Variants in BICRA observed in about 807,000 individuals in gnomAD.
BICRA encodes BRD4 interacting chromatin remodeling complex associated protein, also known as BRD4-interacting chromatin-remodeling complex-associated protein.
A neutral mutation model predicts 96.9 loss-of-function variants in BICRA; 31 were observed. The ratio of observed to expected loss-of-function variants is 0.32; its 90% CI spans 0.24 to 0.43. BICRA has a LOEUF of 0.43. Ranked by LOEUF, BICRA falls within the 20% of genes least tolerant of loss-of-function variation. The pLI is 1.00. For synonymous variants in BICRA, 1,350 were observed against 1,071.8 expected (o/e 1.26, Z -5.07); for missense variants, 2,283 against 2,190.3 (o/e 1.04, Z -0.84).
chr19:47,667,834 G>T (rs1972805707), intron 1 of BICRA, among the ~76,000 whole-genome samples: 1 of 152,202 alleles, frequency 6.6e-6, no homozygotes, highest in South Asian at 2.1e-4. Flanking sequence ...TGAACATTCT[G>T]CTGTATTTGT....
intron 7 of BICRA, among the ~76,000 whole-genome samples, chr19:47,687,190 G>C (rs564023408): frequency 2.8e-4 from 42 of 152,200 alleles, no homozygotes; most frequent in South Asian, 1.9e-3. Context: ...TGTTATTATA[G>C]CACAAAAGCA....
Position 47,698,701 on chromosome 19 carries a change from T to G in BICRA, c.3316T>G (p.Ser1106Ala), listed in dbSNP as rs767193888. ...LHPDYKTAFP[S>A]FEDALHRLLP... Reference sequence around the variant, plus strand: ...CCCCGACTACAAGACGGCCTTCCCCTCCTTTGAGGACGCCCTGCATCGCCT... The same window carrying G: ...CCCCGACTACAAGACGGCCTTCCCCGCCTTTGAGGACGCCCTGCATCGCCT... Residue 1106 changes from serine to alanine, a missense_variant, in exon 12 of 15, where the codon TCC becomes GCC. Physicochemically the swap from Ser to Ala is moderately conservative, Grantham distance 99. Coordinates refer to ENST00000594866, the MANE Select transcript of BICRA (RefSeq NM_001394372.1). The surrounding 1 kb of genome is among the most constrained non-coding windows in gnomAD (Gnocchi z 4.8). 1.0e-5 allele frequency: 16 copies of G among 1,599,008 alleles called. No individual in the cohort carries two copies. Among genetic ancestry groups the G allele is most frequent in the Non-Finnish European group, 1.2e-5 (14 of 1,167,982 alleles).
Position 47,679,363 on chromosome 19 carries a change from C to G in BICRA, c.193C>G (p.Pro65Ala). 1 of 1,433,658 alleles carries G rather than the reference C, an allele frequency of 7.0e-7. No individual in the cohort carries two copies. The highest frequency in any genetic ancestry group is 9.2e-7 in the Non-Finnish European group (1 of 1,091,754). 88.8% of individuals were successfully genotyped at this position (1,433,658 alleles called of 1,614,324 possible). Residue 65 changes from proline (P) to alanine (A), a missense_variant, in exon 6 of 15, where the codon CCC (proline) becomes GCC (alanine). Coordinates refer to ENST00000594866, the MANE Select transcript of BICRA (RefSeq NM_001394372.1). ...TTCCGGCAACCACCTGAACCCAGAG[C>G]CCAACCAGCCGGCCCCCAGTGTGGA... ...EASGNHLNPE[P>A]NQPAPSVDLD...
chr19:47,639,530 C>T (rs1027317658), intron 1 of BICRA, among the ~76,000 whole-genome samples: 4 of 151,234 alleles, frequency 2.6e-5, no homozygotes, highest in Admixed American at 1.3e-4. Context: ...GGGGTTTCAC[C>T]GTGTTAGCTA....
chr19:47,693,918 C>T (rs1179557445), intron 7 of BICRA, among the ~76,000 whole-genome samples, 197 bp from the exon 8 acceptor site: 1 of 151,886 alleles, frequency 6.6e-6, no homozygotes, highest in African/African-American at 2.4e-5. Flanking sequence ...AGGTCGAGGG[C>T]AGGTGGAGGG....
intron 5 of BICRA, chr19:47,678,992 C>G (rs1972983763): frequency 4.1e-6 from 1 of 246,860 alleles, no homozygotes; most frequent in Non-Finnish European, 7.6e-6. Flanking sequence ...CCTCAAACTC[C>G]TGGGCTCCAG....
At chr19:47,694,011 G>A in intron 7 of BICRA, 104 bp from the exon 8 acceptor site, 4 of 1,362,124 alleles carry the variant, frequency 2.9e-6, no homozygotes, top group Non-Finnish European at 3.9e-6. Flanking sequence ...GCTAGGAAGG[G>A]GGCTTCTGGC....
At position 47,675,339 on chromosome 19, in the gene BICRA, G is replaced by A. The variant is rs78064468; in HGVS notation, c.85-512G>A. On this transcript the variant is annotated intron_variant, in intron 4 of 14. Transcript: ENST00000594866. The surrounding 1 kb of genome is among the most constrained non-coding windows in gnomAD (Gnocchi z 4.7). ...GGCACATATGTGGATGCCAGGGCCTGTTCTGGGCACTAAGGATGGTGCTAA... is the reference window on the plus strand; with the variant it reads ...GGCACATATGTGGATGCCAGGGCCTATTCTGGGCACTAAGGATGGTGCTAA... Among the ~76,000 whole-genome samples, 1 of 152,228 alleles carries A rather than the reference G, an allele frequency of 6.6e-6. No homozygotes were observed. The highest frequency in any genetic ancestry group is 1.9e-4 in the East Asian group (1 of 5,196).
chr19:47,625,816 C>G (rs969815379), intron 1 of BICRA, among the ~76,000 whole-genome samples: 3 of 151,770 alleles, frequency 2.0e-5, no homozygotes, highest in African/African-American at 7.3e-5. Flanking sequence ...CATGGATGGG[C>G]TGAGAGACAC....
chr19:47,640,581 G>T (rs1409578332), intron 1 of BICRA, among the ~76,000 whole-genome samples: 1 of 151,904 alleles, frequency 6.6e-6, no homozygotes, highest in African/African-American at 2.4e-5. Context: ...ACCTGCCAGT[G>T]GAGGATACTC....
intron 7 of BICRA, among the ~76,000 whole-genome samples, chr19:47,682,648 C>A (rs1973083505): frequency 6.6e-6 from 1 of 150,528 alleles, no homozygotes; most frequent in Non-Finnish European, 1.5e-5. Flanking sequence ...AAAAATTGAT[C>A]TTGGAGACCA....
In BICRA at chr19:47,701,537, T is replaced by C. The variant is rs1408598448; in HGVS notation, c.3805T>C (p.Ser1269Pro). 5 of 1,548,690 alleles carry C rather than the reference T, an allele frequency of 3.2e-6. No individual in the cohort carries two copies. The highest frequency in any genetic ancestry group is 4.9e-5 in the East Asian group (2 of 40,788). ...VTWARASSSL[S>P]SSSSSSSAAS... ...CTGGGCCCGGGCGTCCTCCTCCCTG[T>C]CCTCCTCTTCCTCCTCCTCCTCTGC... Residue 1269 changes from serine (S) to proline (P), a missense_variant, in exon 15 of 15, where the codon TCC becomes CCC. By Grantham distance (74) the Ser-to-Pro change is moderately conservative. Transcript: ENST00000594866. The surrounding 1 kb of genome is among the most constrained non-coding windows in gnomAD (Gnocchi z 5.4).
At chr19:47,685,784 TGTGCGC>T (rs1255367203) in intron 7 of BICRA, among the ~76,000 whole-genome samples, 255 of 115,474 alleles carry the variant, frequency 2.2e-3, no homozygotes, top group Middle Eastern at 8.3e-3. Flanking sequence ...TGTGTGTGTG[TGTGCGC>T]GCGCGCGCGC....
intron 1 of BICRA, among the ~76,000 whole-genome samples, chr19:47,624,694 CT>C (rs796657653): frequency 4.7e-4 from 68 of 145,890 alleles, no homozygotes; most frequent in Middle Eastern, 3.6e-3. Flanking sequence ...CACGCCCTGA[CT>C]TTTTTTTTTT....
intron 1 of BICRA, among the ~76,000 whole-genome samples, chr19:47,646,421 C>G (rs928376296): frequency 7.7e-6 from 1 of 129,658 alleles, no homozygotes; most frequent in Admixed American, 8.1e-5. Context: ...CAGCTCAGCC[C>G]GACACACATG....
chr19:47,684,751 C>T (rs1214217295), intron 7 of BICRA, among the ~76,000 whole-genome samples: 1 of 152,164 alleles, frequency 6.6e-6, no homozygotes, highest in Non-Finnish European at 1.5e-5. Flanking sequence ...AATGGTAGGG[C>T]CTGGATTAAA....
At chr19:47,683,639 C>T (rs970966913) in intron 7 of BICRA, among the ~76,000 whole-genome samples, 1 of 150,206 alleles carries the variant, frequency 6.7e-6, no homozygotes, top group Non-Finnish European at 1.5e-5. Flanking sequence ...GGCTGGAGTG[C>T]GGTGTCGCGA....
intron 7 of BICRA, among the ~76,000 whole-genome samples, chr19:47,693,542 C>T (rs1012974662): frequency 2.0e-5 from 3 of 152,338 alleles, no homozygotes; most frequent in East Asian, 1.9e-4. Flanking sequence ...TGTGGCCATC[C>T]GTATTCTCGG....
chr19:47,615,884 A>G (rs552323600), intron 1 of BICRA: 1 of 152,344 alleles, frequency 6.6e-6, no homozygotes, highest in African/African-American at 2.4e-5. Flanking sequence ...GAACGAAGCA[A>G]TGTTCTGCCA....
Sources: allele counts gnomAD v4.1 joint callset (sites outside exome capture counted in the v4.1 genomes callset), GRCh38; gene constraint gnomAD v4.1.1; non-coding constraint Gnocchi (gnomAD v3.1); transcripts MANE v1.5; gene names NCBI Gene and HGNC (gene_info 2026-07-23, HGNC 2026-07-21).